The following NRG1 variants were observed in gnomAD, a reference collection of about 807,000 sequenced individuals.
NRG1 encodes the protein neuregulin 1, also known as pro-neuregulin-1, membrane-bound isoform.
In NRG1, 18 loss-of-function variants were observed where a neutral mutation model predicts 63.8. The ratio of observed to expected loss-of-function variants is 0.28; its 90% confidence interval spans 0.19 to 0.42. The LOEUF (loss-of-function observed/expected upper bound fraction) is 0.42, where lower values mean the gene tolerates loss of function less well. Ranked by LOEUF, NRG1 falls within the 10% of genes least tolerant of loss-of-function variation. The pLI, the probability that NRG1 is intolerant of heterozygous loss-of-function variation, is 1.00. For synonymous variants in NRG1, 302 were observed against 301.3 expected (o/e 1.00, Z -0.02); for missense variants, 762 against 814.7 (o/e 0.94, Z 0.79).
Position 31,640,046 on chromosome 8 carries a change from G to A in NRG1, c.37+615G>A. 1 of 1,144,726 alleles carries A rather than the reference G, an allele frequency of 8.7e-7. No individual in the cohort carries two copies. The highest frequency in any genetic ancestry group is 1.1e-6 in the Non-Finnish European group (1 of 933,848). 70.9% of individuals were successfully genotyped at this position (1,144,726 alleles called of 1,614,324 possible). On this transcript the variant is annotated intron_variant, in intron 1 of 10. Transcript: ENST00000519301. This position sits in a 1 kb window ranked among gnomAD's most constrained non-coding sequence, Gnocchi z 6.3. ...CCCGGCCCCCGGGCCCAGCGCCCCG[G>A]CTCCGCCGCCCGCTCGTCGCCGCCG...
chr8:31,796,741 G>C (rs530411986), intron 1 of NRG1, among the ~76,000 whole-genome samples: 16 of 152,142 alleles, frequency 1.1e-4, no homozygotes, highest in South Asian at 2.1e-4. Context: ...CCGGCCAGAA[G>C]GTGGAGTGCT....
chr8:31,725,290 C>G (rs747737958), intron 1 of NRG1, among the ~76,000 whole-genome samples: 12 of 152,140 alleles, frequency 7.9e-5, no homozygotes, highest in South Asian at 4.1e-4. Context: ...ACTCCAGGCT[C>G]TCTCTCTGAT....
intron 1 of NRG1, among the ~76,000 whole-genome samples, chr8:31,822,520 G>GA: frequency 6.6e-6 from 1 of 152,272 alleles, no homozygotes; most frequent in East Asian, 1.9e-4. Flanking sequence ...TTGTGTATTT[G>GA]TGAATAGTAA....
At chr8:32,465,998 A>T (rs1268114088) in intron 1 of NRG1, among the ~76,000 whole-genome samples, 1 of 152,104 alleles carries the variant, frequency 6.6e-6, no homozygotes, top group African/African-American at 2.4e-5. Context: ...AATTTTCATT[A>T]TTTTTCTTGA....
rs1333059702 is a variant in NRG1, at chr8:32,701,933, CTT to C, written c.503-26013_503-26012del. Among the ~76,000 whole-genome samples, 8 of 152,186 alleles carry C rather than the reference CTT, an allele frequency of 5.3e-5. No individual in the cohort carries two copies. In the South Asian group the frequency reaches 1.7e-3, roughly 32 times the overall value. The stretch of plus-strand genomic sequence containing the variant: ...CAAGATCATGAGATCACAAATGTGA[CTT>C]TTCCTTAAGATTTCATCACAAGATA... On this transcript the variant is annotated intron_variant, in intron 5 of 11. Coordinates refer to ENST00000356819, the Ensembl canonical transcript of NRG1.
chr8:32,606,563 A>G (rs1588645435), intron 3 of NRG1, among the ~76,000 whole-genome samples: 1 of 152,258 alleles, frequency 6.6e-6, no homozygotes, highest in African/African-American at 2.4e-5. Context: ...CCATGATTTG[A>G]TGGAATCATC....
intron 1 of NRG1, among the ~76,000 whole-genome samples, chr8:32,087,211 G>T (rs986018950): frequency 6.6e-6 from 1 of 152,092 alleles, no homozygotes; most frequent in Non-Finnish European, 1.5e-5. Context: ...ATTGGATCGT[G>T]GGGGCAGATC....
At chr8:31,806,939 A>G (rs189792445) in intron 1 of NRG1, among the ~76,000 whole-genome samples, 97 of 152,358 alleles carry the variant, frequency 6.4e-4, no homozygotes, top group Admixed American at 1.3e-3. Flanking sequence ...AAACTTGAGT[A>G]CAAGTGTTGG....
chr8:32,240,276 T>C (rs1847968629), intron 1 of NRG1, among the ~76,000 whole-genome samples: 1 of 152,156 alleles, frequency 6.6e-6, no homozygotes, highest in African/African-American at 2.4e-5. Context: ...TTCAAGGGAA[T>C]TGTGCTAACT....
intron 1 of NRG1, among the ~76,000 whole-genome samples, chr8:32,584,848 C>T (rs1841335401): frequency 6.6e-6 from 1 of 152,206 alleles, no homozygotes; most frequent in Non-Finnish European, 1.5e-5. Context: ...AAAGTTTTCA[C>T]ATAGTTATCA....
intron 1 of NRG1, among the ~76,000 whole-genome samples, chr8:32,115,232 C>T (rs1247501871): frequency 1.3e-5 from 2 of 151,860 alleles, no homozygotes; most frequent in Non-Finnish European, 2.9e-5. Context: ...AGTTTCATCA[C>T]GTTGGCCAGG....
intron 1 of NRG1, among the ~76,000 whole-genome samples, chr8:31,983,106 C>T (rs1463491876): frequency 6.6e-6 from 1 of 151,872 alleles, no homozygotes; most frequent in Admixed American, 6.6e-5. Flanking sequence ...GCTATCAGCC[C>T]CCTGGAAAAA....
chr8:31,993,707 T>C (rs909513256), intron 1 of NRG1, among the ~76,000 whole-genome samples: 1 of 152,034 alleles, frequency 6.6e-6, no homozygotes, highest in Admixed American at 6.6e-5. Flanking sequence ...ATCAGCAGCA[T>C]GAGAATGGAC....
chr8:32,625,294 C>T (rs372874359), intron 5 of NRG1, among the ~76,000 whole-genome samples: 62 of 152,342 alleles, frequency 4.1e-4, no homozygotes, highest in African/African-American at 1.5e-3. Flanking sequence ...CTCTCAAAAA[C>T]CAATTAATTG....
At chr8:32,623,498 G>A (rs1455981819) in intron 5 of NRG1, among the ~76,000 whole-genome samples, 1 of 150,984 alleles carries the variant, frequency 6.6e-6, no homozygotes, top group African/African-American at 2.5e-5. Flanking sequence ...TGGTGGCTCT[G>A]CCCACTGTGG....
At chr8:32,039,806 A>T (rs1348723557) in intron 1 of NRG1, among the ~76,000 whole-genome samples, 1 of 151,778 alleles carries the variant, frequency 6.6e-6, no homozygotes, top group African/African-American at 2.4e-5. Flanking sequence ...ATCGCTTGAG[A>T]CCAGGAGTTC....
chr8:31,860,212 T>G (rs1428311855), intron 1 of NRG1, among the ~76,000 whole-genome samples: 1 of 152,202 alleles, frequency 6.6e-6, no homozygotes, highest in Non-Finnish European at 1.5e-5. Context: ...ATGGATACTA[T>G]TATGATTAAT....
chr8:31,958,724 A>T (rs1290976231), intron 1 of NRG1, among the ~76,000 whole-genome samples: 4 of 152,218 alleles, frequency 2.6e-5, no homozygotes, highest in African/African-American at 9.6e-5. Context: ...TCTGGGATCA[A>T]CTGATACAAA....
intron 1 of NRG1, among the ~76,000 whole-genome samples, chr8:32,233,114 A>T (rs1039577747): frequency 2.6e-5 from 4 of 152,052 alleles, no homozygotes; most frequent in African/African-American, 9.7e-5. Flanking sequence ...TAGTAGTAGT[A>T]TTTTGGAGAC....
Sources: gnomAD v4.1 joint callset for allele counts (sites outside exome capture counted in the v4.1 genomes callset) on GRCh38, gnomAD v4.1.1 for gene constraint, Gnocchi (gnomAD v3.1) non-coding constraint, MANE v1.5 for transcripts, NCBI Gene and HGNC (gene_info 2026-07-23, HGNC 2026-07-21) for gene names.